Variants in TMX3 observed in about 807,000 individuals in gnomAD.
TMX3 encodes protein disulfide-isomerase TMX3.
Under a neutral mutation model 64.4 loss-of-function variants are expected in TMX3, and 40 were observed. The ratio of observed to expected loss-of-function variants is 0.62; its 90% CI spans 0.48 to 0.81. TMX3 has a LOEUF of 0.81. TMX3 is among the 30% of genes least tolerant of loss of function. TMX3 has a pLI of 0.00. For missense variants in TMX3, 497 were observed against 534.5 expected (o/e 0.93, Z 0.69); for synonymous variants, 189 against 175.7 (o/e 1.08, Z -0.60).
chr18:68,674,561 T>C lies in TMX3; in HGVS notation c.*2372A>G, dbSNP rs1483791350. The C allele has an allele frequency of 1.3e-5, 2 of 152,086 alleles. No homozygotes were observed. The highest frequency in any genetic ancestry group is 2.9e-5 in the Non-Finnish European group (2 of 67,980). 9.4% of individuals were successfully genotyped at this position (152,086 alleles called of 1,614,324 possible). A position where few individuals can be genotyped will look rare whatever the true frequency, so the allele number is the denominator to read the frequency against. On this transcript the variant is annotated 3_prime_UTR_variant, in exon 16 of 16. Coordinates refer to ENST00000299608, the MANE Select transcript of TMX3 (RefSeq NM_019022.5). ...TAGAATGATACCTATGTTCTTCCAC[T>C]AGATTCACTTATTAAGAGATCTGTC...
At position 68,691,240 on chromosome 18, in the gene TMX3, T is replaced by C. The variant is rs765345722; in HGVS notation, c.637+55A>G. 4.8e-6 allele frequency: 6 copies of C among 1,262,648 alleles called. No individual in the cohort carries two copies. The East Asian group carries it at 1.2e-4, about 26-fold the overall frequency. 78.2% of individuals were successfully genotyped at this position (1,262,648 alleles called of 1,614,324 possible). ...ACATAATCTTTACACCTAAGTTGTATAACAGACATTTTAATTTTAAAATGT... is the reference window on the plus strand; with the variant it reads ...ACATAATCTTTACACCTAAGTTGTACAACAGACATTTTAATTTTAAAATGT... On this transcript the variant is annotated intron_variant, in intron 9 of 15. Coordinates refer to ENST00000299608, the MANE Select transcript of TMX3 (RefSeq NM_019022.5).
intron 9 of TMX3, 94 bp from the exon 10 acceptor site, chr18:68,687,859 C>CA: frequency 1.2e-6 from 1 of 816,454 alleles, no homozygotes; most frequent in Non-Finnish European, 1.9e-6. Flanking sequence ...AAACGCCTGA[C>CA]AGAGAATCAT....
At chr18:68,688,673 T>C (rs775067023) in intron 9 of TMX3, 9 of 152,204 alleles carry the variant, frequency 5.9e-5, no homozygotes, top group Admixed American at 4.6e-4. Flanking sequence ...AAAGAATTTA[T>C]TGATTTAAAT....
At chr18:68,713,430 G>A (rs927331714) in intron 2 of TMX3, among the ~76,000 whole-genome samples, 13 of 152,122 alleles carry the variant, frequency 8.5e-5, no homozygotes, top group African/African-American at 2.4e-4. Context: ...GCCAGAAAAA[G>A]CCTTGCAATT....
chr18:68,677,249 G>T, intron 15 of TMX3, 56 bp from the exon 16 acceptor site: 1 of 1,532,596 alleles, frequency 6.5e-7, no homozygotes. Context: ...GATATATATA[G>T]CATGAAATGA....
At chr18:68,688,274 A>C (rs1159065837) in intron 9 of TMX3, 1 of 152,210 alleles carries the variant, frequency 6.6e-6, no homozygotes, top group Non-Finnish European at 1.5e-5. Flanking sequence ...TTTTTATTAC[A>C]ATTTCTTTGC....
chr18:68,681,585 A>G (rs1307973055), intron 13 of TMX3: 1 of 985,234 alleles, frequency 1.0e-6, no homozygotes, highest in Non-Finnish European at 1.2e-6. Context: ...AGGTGATGCT[A>G]CATTTCAAGA....
chr18:68,714,754 G>A lies in TMX3; in HGVS notation c.46+182C>T, dbSNP rs569880267. On this transcript the variant is annotated intron_variant, in intron 1 of 15. Transcript: ENST00000299608. The stretch of plus-strand genomic sequence containing the variant: ...CACAGCGGCGGCGGAAGGACCCCAA[G>A]GTGTCCGCTCCGTCAGGGCCAGGCA... 1.2e-4 allele frequency among the ~76,000 whole-genome samples: 19 copies of A among 152,352 alleles called. No individual in the cohort carries two copies. The South Asian group carries it at 2.7e-3, about 22-fold the overall frequency.
Position 68,677,106 on chromosome 18 carries a change from T to C in TMX3, c.1192A>G (p.Thr398Ala). ...ATATAACCTCCATCTGTGTCGGCTG[T>C]GTAGATTCCATAGCACATGATACTG... ...VISIMCYGIY[T>A]ADTDGGYIEE... The change falls in exon 16 of 16, where the codon ACA (threonine) becomes GCA (alanine). Residue 398 changes from threonine to alanine, a missense_variant. Transcript: ENST00000299608. 1.9e-6 allele frequency: 3 copies of C among 1,613,814 alleles called. No individual in the cohort carries two copies. Among genetic ancestry groups the C allele is most frequent in the South Asian group, 1.1e-5 (1 of 91,080 alleles).
At position 68,684,421 on chromosome 18, in the gene TMX3, A is replaced by G. The variant is rs747685721; in HGVS notation, c.794+7T>C. 6.2e-7 allele frequency: 1 copy of G among 1,611,454 alleles called. No homozygotes were observed. Among genetic ancestry groups the G allele is most frequent in the South Asian group, 1.1e-5 (1 of 90,954 alleles). ...TTGAAGCTTAAAACTATATCAAGGCATTATACCTGGTATGTTCAACTGATG... is the reference window on the plus strand; with the variant it reads ...TTGAAGCTTAAAACTATATCAAGGCGTTATACCTGGTATGTTCAACTGATG... On this transcript the variant is annotated splice_region_variant and intron_variant, in intron 11 of 15. Transcript: ENST00000299608.
At chr18:68,704,209 C>T (rs309253) in intron 4 of TMX3, among the ~76,000 whole-genome samples, 39,949 of 152,052 alleles carry the variant, frequency 0.26, 8,959 homozygotes, top group African/African-American at 0.61. Flanking sequence ...TTGATCCTGA[C>T]TTCATTAATT....
At chr18:68,680,755 A>T (rs971447491) in intron 14 of TMX3, among the ~76,000 whole-genome samples, 3 of 152,060 alleles carry the variant, frequency 2.0e-5, no homozygotes, top group African/African-American at 7.2e-5. Flanking sequence ...TAACCCATAA[A>T]AGGACACTTC....
chr18:68,684,950 T>G (rs1006649296), intron 10 of TMX3, among the ~76,000 whole-genome samples: 9 of 152,216 alleles, frequency 5.9e-5, no homozygotes, highest in Non-Finnish European at 1.3e-4. Flanking sequence ...GGCCGTTGAC[T>G]TTGGTACCAT....
At chr18:68,704,132 G>T (rs1245631129) in intron 4 of TMX3, among the ~76,000 whole-genome samples, 1 of 152,002 alleles carries the variant, frequency 6.6e-6, no homozygotes, top group Non-Finnish European at 1.5e-5. Flanking sequence ...CGAAAAAATA[G>T]ATGGAACACA....
chr18:68,694,308 C>T (rs986320042), intron 8 of TMX3, among the ~76,000 whole-genome samples: 1 of 152,140 alleles, frequency 6.6e-6, no homozygotes, highest in Non-Finnish European at 1.5e-5. Flanking sequence ...CAGTTCCTGG[C>T]GTCTCTGAGC....
intron 8 of TMX3, among the ~76,000 whole-genome samples, chr18:68,695,277 C>T (rs1269941029): frequency 6.6e-6 from 1 of 152,198 alleles, no homozygotes; most frequent in African/African-American, 2.4e-5. Flanking sequence ...TTCGTCTTGG[C>T]TTCCAGCTCA....
chr18:68,677,649 G>T (rs924156524), intron 15 of TMX3, among the ~76,000 whole-genome samples: 2 of 152,170 alleles, frequency 1.3e-5, no homozygotes, highest in Non-Finnish European at 2.9e-5. Context: ...TATCTGGTTA[G>T]TAGTAAAACT....
rs1370791724 is a variant in TMX3 at position 68,675,014 on chromosome 18, A to C, written c.*1919T>G. On this transcript the variant is annotated 3_prime_UTR_variant, in exon 16 of 16. Coordinates refer to ENST00000299608, the MANE Select transcript of TMX3 (RefSeq NM_019022.5). ...TTTCATTTACAGGTAATGATCAACA[A>C]GACAAAAATATGTAAATGACTAATT... The C allele has an allele frequency of 1.3e-5, 2 of 152,176 alleles. No homozygotes were observed. The highest frequency in any genetic ancestry group is 1.3e-4 in the Admixed American group (2 of 15,270). 9.4% of individuals were successfully genotyped at this position (152,176 alleles called of 1,614,324 possible). A position where few individuals can be genotyped will look rare whatever the true frequency, so the allele number is the denominator to read the frequency against.
chr18:68,686,964 C>T, intron 10 of TMX3: 1 of 982,948 alleles, frequency 1.0e-6, no homozygotes, highest in East Asian at 1.1e-4. Context: ...AAACCCTATG[C>T]CTATTACTTA....
Sources: gnomAD v4.1 joint callset for allele counts (sites outside exome capture counted in the v4.1 genomes callset) on GRCh38, gnomAD v4.1.1 for gene constraint, MANE v1.5 for transcripts, NCBI Gene and HGNC (gene_info 2026-07-23, HGNC 2026-07-21) for gene names.